The following CDKAL1 variants were observed in gnomAD, a reference collection of about 807,000 sequenced individuals.
CDKAL1 encodes the protein threonylcarbamoyladenosine tRNA methylthiotransferase.
In CDKAL1, 32 loss-of-function variants were observed where a neutral mutation model predicts 68.2. That is an observed-to-expected ratio of 0.47 (90% CI 0.35 to 0.63). The LOEUF (loss-of-function observed/expected upper bound fraction) is 0.63, where lower values mean the gene tolerates loss of function less well. CDKAL1 is among the 30% of genes least tolerant of loss of function. The pLI is 0.00. For synonymous variants in CDKAL1, 234 were observed against 244.3 expected, an observed-to-expected ratio of 0.96 and a Z score of 0.39; for missense variants, 606 against 696.7, an observed-to-expected ratio of 0.87 and a Z score of 1.47.
At chr6:20,564,346 T>C (rs1022375999) in intron 4 of CDKAL1, among the ~76,000 whole-genome samples, 1 of 152,256 alleles carries the variant, frequency 6.6e-6, no homozygotes, top group African/African-American at 2.4e-5. Context: ...GATGTTTTTG[T>C]ACAATTTAGC....
chr6:21,012,600 T>A (rs1462791393), intron 11 of CDKAL1, among the ~76,000 whole-genome samples: 3 of 152,170 alleles, frequency 2.0e-5, no homozygotes, highest in Admixed American at 1.3e-4. Context: ...AAGAAACACA[T>A]GAGTTTTCAA....
chr6:20,993,602 A>G (rs1766954160), intron 10 of CDKAL1: 1 of 152,244 alleles, frequency 6.6e-6, no homozygotes, highest in Non-Finnish European at 1.5e-5. Flanking sequence ...AATAGTACAT[A>G]TATTCAAAAC....
At chr6:20,948,671 A>G (rs1303009782) in intron 9 of CDKAL1, among the ~76,000 whole-genome samples, 1 of 152,346 alleles carries the variant, frequency 6.6e-6, no homozygotes, top group South Asian at 2.1e-4. Context: ...AGATAGAATT[A>G]CACCTCTCTC....
At chr6:20,616,832 G>A (rs980512535) in intron 4 of CDKAL1, among the ~76,000 whole-genome samples, 2 of 77,782 alleles carry the variant, frequency 2.6e-5, no homozygotes, top group African/African-American at 5.0e-5. Context: ...GCGAAACCCC[G>A]ACTCTACCAC....
intron 13 of CDKAL1, among the ~76,000 whole-genome samples, chr6:21,145,456 A>G (rs1776119893): frequency 6.6e-6 from 1 of 152,176 alleles, no homozygotes; most frequent in Admixed American, 6.6e-5. Flanking sequence ...AGTAACCCCT[A>G]GGTCAAGTGC....
chr6:21,120,924 A>G (rs6909332), intron 13 of CDKAL1, among the ~76,000 whole-genome samples: 33,845 of 152,070 alleles, frequency 0.22, 4,256 homozygotes, highest in African/African-American at 0.33. Flanking sequence ...ATAATCTCAC[A>G]AACATGTCAT....
intron 5 of CDKAL1, among the ~76,000 whole-genome samples, chr6:20,662,246 A>G (rs911835424): frequency 6.6e-6 from 1 of 152,142 alleles, no homozygotes. Flanking sequence ...AGTATTAAAT[A>G]TTAACCCTTT....
intron 4 of CDKAL1, among the ~76,000 whole-genome samples, chr6:20,621,549 G>A (rs929857179): frequency 6.6e-6 from 1 of 151,904 alleles, no homozygotes; most frequent in Non-Finnish European, 1.5e-5. Context: ...TAATTTATTT[G>A]GAATTCTTCT....
At chr6:20,920,657 A>G (rs1350158503) in intron 9 of CDKAL1, among the ~76,000 whole-genome samples, 1 of 152,186 alleles carries the variant, frequency 6.6e-6, no homozygotes, top group Non-Finnish European at 1.5e-5. Context: ...CCACAATTCT[A>G]TTTAGTTAGT....
intron 12 of CDKAL1, among the ~76,000 whole-genome samples, chr6:21,098,747 A>T (rs2150980616): frequency 1.3e-5 from 2 of 152,116 alleles, no homozygotes; most frequent in South Asian, 2.1e-4. Context: ...GGAAGAGGTG[A>T]TCTTTGAATA....
At chr6:20,734,923 GC>G (rs1335205836) in intron 5 of CDKAL1, among the ~76,000 whole-genome samples, 1 of 137,128 alleles carries the variant, frequency 7.3e-6, no homozygotes, top group Non-Finnish European at 1.5e-5. Flanking sequence ...GAGCTGGAGT[GC>G]AGTGGTGCGA....
chr6:20,743,535 A>G (rs993010341), intron 6 of CDKAL1, among the ~76,000 whole-genome samples: 4 of 152,204 alleles, frequency 2.6e-5, no homozygotes, highest in African/African-American at 7.2e-5. Context: ...GTTTCCATCA[A>G]TATAAGCCTG....
At chr6:21,206,168 C>T (rs780114085) in intron 15 of CDKAL1, among the ~76,000 whole-genome samples, 2 of 152,142 alleles carry the variant, frequency 1.3e-5, no homozygotes, top group Admixed American at 6.6e-5. Context: ...TCCATACTGC[C>T]TTGCCCATTT....
chr6:20,587,516 T>G (rs1473818315), intron 4 of CDKAL1, among the ~76,000 whole-genome samples: 1 of 151,788 alleles, frequency 6.6e-6, no homozygotes, highest in Non-Finnish European at 1.5e-5. Context: ...GAGGATCGCT[T>G]TAGCCCAGGA....
chr6:21,095,233 T>C lies in CDKAL1; in HGVS notation c.1237-13168T>C, dbSNP rs142899684. Among the ~76,000 whole-genome samples, 553 of 152,200 alleles carry C rather than the reference T, an allele frequency of 3.6e-3. 6 individuals are homozygous for C. Among genetic ancestry groups the C allele is most frequent in the African/African-American group, 0.013 (530 of 41,524 alleles). ...TGCTTCTTGTGATGGGTGCAGGGCCTCTCTAAGAATGGAAAGGATGAATGA... is the reference window on the plus strand; with the variant it reads ...TGCTTCTTGTGATGGGTGCAGGGCCCCTCTAAGAATGGAAAGGATGAATGA... On this transcript the variant is annotated intron_variant, in intron 12 of 15. Transcript: ENST00000274695.
At chr6:21,163,347 G>T (rs986781763) in intron 13 of CDKAL1, among the ~76,000 whole-genome samples, 1 of 152,080 alleles carries the variant, frequency 6.6e-6, no homozygotes, top group Non-Finnish European at 1.5e-5. Flanking sequence ...AGCTGCTTTA[G>T]ACTGGATCCT....
chr6:20,753,149 G>A (rs756519513), intron 6 of CDKAL1, among the ~76,000 whole-genome samples: 5 of 147,046 alleles, frequency 3.4e-5, no homozygotes, highest in Non-Finnish European at 6.0e-5. Flanking sequence ...AAAAACGCAG[G>A]TACTTCTTAG....
intron 12 of CDKAL1, among the ~76,000 whole-genome samples, chr6:21,078,271 CT>C (rs1562012619): frequency 1.3e-5 from 2 of 152,098 alleles, no homozygotes; most frequent in African/African-American, 4.8e-5. Context: ...TCTTTCAGGG[CT>C]TTATGTTACC....
At chr6:20,901,516 T>C (rs1265480205) in intron 9 of CDKAL1, among the ~76,000 whole-genome samples, 2 of 148,500 alleles carry the variant, frequency 1.3e-5, no homozygotes, top group East Asian at 4.0e-4. Flanking sequence ...CTACTAAAAA[T>C]ACAAAAAAAA....
Sources: gnomAD v4.1 joint callset for allele counts (sites outside exome capture counted in the v4.1 genomes callset) on GRCh38, gnomAD v4.1.1 for gene constraint, MANE v1.5 for transcripts, NCBI Gene and HGNC (gene_info 2026-07-23, HGNC 2026-07-21) for gene names.